Variants in CACNA2D3 observed in about 807,000 individuals in gnomAD.
CACNA2D3 encodes calcium voltage-gated channel auxiliary subunit alpha2delta 3, also known as voltage-dependent calcium channel subunit alpha-2/delta-3.
CACNA2D3 carries 60 observed loss-of-function variants against 160.6 expected under a neutral mutation model. The observed-to-expected ratio is 0.37, with a 90% CI of 0.30 to 0.46. CACNA2D3 has a LOEUF of 0.46. Ranked by LOEUF, CACNA2D3 falls within the 20% of genes least tolerant of loss-of-function variation. The pLI is 1.00. For missense variants in CACNA2D3, 1,205 were observed against 1,365.0 expected, an observed-to-expected ratio of 0.88 and a Z score of 1.85; for synonymous variants, 558 against 492.9, an observed-to-expected ratio of 1.13 and a Z score of -1.75.
intron 2 of CACNA2D3, among the ~76,000 whole-genome samples, chr3:54,183,721 C>A (rs778979917): frequency 7.3e-5 from 11 of 151,280 alleles, no homozygotes; most frequent in Non-Finnish European, 1.5e-4. Context: ...CCCGTCTCTA[C>A]TAAAAATACA....
intron 3 of CACNA2D3, among the ~76,000 whole-genome samples, chr3:54,384,344 T>C (rs1457126398): frequency 6.6e-6 from 1 of 152,258 alleles, no homozygotes; most frequent in Non-Finnish European, 1.5e-5. Context: ...ATACACATTC[T>C]GTAAAGCTCA....
At chr3:54,311,113 A>C (rs933128095) in intron 2 of CACNA2D3, among the ~76,000 whole-genome samples, 18 of 152,334 alleles carry the variant, frequency 1.2e-4, no homozygotes, top group Middle Eastern at 3.4e-3. Flanking sequence ...GCTTCGAGTC[A>C]GCAGCACAGC....
At chr3:54,306,176 C>T (rs569860807) in intron 2 of CACNA2D3, among the ~76,000 whole-genome samples, 1 of 152,124 alleles carries the variant, frequency 6.6e-6, no homozygotes, top group Non-Finnish European at 1.5e-5. Context: ...GCTGCACCCC[C>T]CAACCCGAAG....
intron 2 of CACNA2D3, among the ~76,000 whole-genome samples, chr3:54,308,051 T>C (rs1349735403): frequency 1.3e-5 from 2 of 152,222 alleles, no homozygotes; most frequent in African/African-American, 4.8e-5. Flanking sequence ...ATGTTATTCT[T>C]TCTGTAGATT....
chr3:55,060,528 C>T (rs3773541), intron 35 of CACNA2D3, among the ~76,000 whole-genome samples: 21,291 of 151,986 alleles, frequency 0.14, 2,694 homozygotes, highest in Admixed American at 0.28. Flanking sequence ...TGTCTTCATC[C>T]ATAAAATGGA....
chr3:54,904,605 T>C (rs1700413254), intron 27 of CACNA2D3, among the ~76,000 whole-genome samples: 1 of 152,228 alleles, frequency 6.6e-6, no homozygotes, highest in Admixed American at 6.5e-5. Context: ...AAATGTTTCA[T>C]TTTGATTTCT....
chr3:54,496,388 A>G (rs967899347), intron 4 of CACNA2D3, among the ~76,000 whole-genome samples: 5 of 152,104 alleles, frequency 3.3e-5, no homozygotes, highest in African/African-American at 1.2e-4. Context: ...TTATTTTTGT[A>G]CTTTCCTGAT....
chr3:54,541,650 T>C (rs571814115), intron 5 of CACNA2D3, among the ~76,000 whole-genome samples: 8 of 152,290 alleles, frequency 5.3e-5, no homozygotes, highest in South Asian at 2.1e-4. Flanking sequence ...CTGAGTCTTG[T>C]TGGGCAGTTT....
intron 13 of CACNA2D3, among the ~76,000 whole-genome samples, chr3:54,794,101 T>C (rs1048293263): frequency 3.3e-5 from 5 of 152,208 alleles, no homozygotes; most frequent in African/African-American, 2.4e-5. Flanking sequence ...GCAAATTTTA[T>C]ATATAATGAT....
chr3:54,517,111 C>A (rs1165637582), intron 5 of CACNA2D3, among the ~76,000 whole-genome samples: 1 of 152,162 alleles, frequency 6.6e-6, no homozygotes, highest in East Asian at 1.9e-4. Context: ...TTCCACAAAC[C>A]ACCTTACAGA....
chr3:54,409,608 A>C (rs1699632669), intron 4 of CACNA2D3, among the ~76,000 whole-genome samples: 1 of 152,228 alleles, frequency 6.6e-6, no homozygotes, highest in African/African-American at 2.4e-5. Flanking sequence ...GGCCTCTTGC[A>C]CCAAGCAGTT....
At chr3:54,510,777 T>A (rs1701446956) in intron 5 of CACNA2D3, among the ~76,000 whole-genome samples, 1 of 152,172 alleles carries the variant, frequency 6.6e-6, no homozygotes, top group South Asian at 2.1e-4. Context: ...ATTGTCATTT[T>A]GAGCATTAAA....
At chr3:54,700,055 C>T (rs558702326) in intron 11 of CACNA2D3, among the ~76,000 whole-genome samples, 1 of 152,280 alleles carries the variant, frequency 6.6e-6, no homozygotes, top group East Asian at 1.9e-4. Context: ...GAATCCACTC[C>T]TAGCATTTAT....
chr3:54,258,291 A>T (rs1399513120), intron 2 of CACNA2D3, among the ~76,000 whole-genome samples: 1 of 152,248 alleles, frequency 6.6e-6, no homozygotes, highest in Non-Finnish European at 1.5e-5. Context: ...TCCATATCCA[A>T]CCAGTATTTA....
chr3:54,894,724 C>T lies in CACNA2D3; in HGVS notation c.2247-2025C>T, dbSNP rs1185284968. 3.4e-5 allele frequency: 16 copies of T among 466,992 alleles called. No individual in the cohort carries two copies. In the East Asian group the frequency reaches 4.6e-4, roughly 13 times the overall value. 28.9% of individuals were successfully genotyped at this position (466,992 alleles called of 1,614,324 possible). A position where few individuals can be genotyped will look rare whatever the true frequency, so the allele number is the denominator to read the frequency against. ...AGGCAACAGAGGCTCCTCCTCACAC[C>T]GTCCAGGTCAGGTTTATGAAGAATT... On this transcript the variant is annotated intron_variant, in intron 25 of 37. Coordinates refer to ENST00000474759, the MANE Select transcript of CACNA2D3 (RefSeq NM_018398.3).
Position 54,627,859 on chromosome 3 carries a change from T to A in CACNA2D3, c.1036T>A (p.Phe346Ile). 1 of 1,602,148 alleles carries A rather than the reference T, an allele frequency of 6.2e-7. No homozygotes were observed. Reference sequence around the variant, plus strand: ...GTTGGATATAGCTCTGAATGAGGCCTTCAACATTCTGAGTGATGTAAGTTC... The same window carrying A: ...GTTGGATATAGCTCTGAATGAGGCCATCAACATTCTGAGTGATGTAAGTTC... ...GMLDIALNEA[F>I]NILSDFNHTG... The change falls in exon 10 of 38, where the codon TTC (phenylalanine) becomes ATC (isoleucine). Residue 346 changes from phenylalanine to isoleucine, a missense_variant. Phe to Ile is a conservative substitution (Grantham distance 21). This residue lies in a region of CACNA2D3 where 911 missense variants were observed against 1,002.2 expected (regional missense o/e 0.91). Transcript: ENST00000474759.
chr3:54,887,741 TG>T (rs1456422184), intron 23 of CACNA2D3, among the ~76,000 whole-genome samples: 2 of 152,184 alleles, frequency 1.3e-5, no homozygotes, highest in Middle Eastern at 3.2e-3. Flanking sequence ...GGCTCTCAGT[TG>T]ACTACCTTCT....
chr3:54,760,156 A>G (rs981728281), intron 12 of CACNA2D3, among the ~76,000 whole-genome samples: 4 of 152,198 alleles, frequency 2.6e-5, no homozygotes, highest in East Asian at 1.9e-4. Context: ...TGAGAATCCA[A>G]TGATGGATGA....
At chr3:54,755,961 TAATC>T (rs1701962343) in intron 12 of CACNA2D3, among the ~76,000 whole-genome samples, 1 of 152,236 alleles carries the variant, frequency 6.6e-6, no homozygotes, top group African/African-American at 2.4e-5. Flanking sequence ...AGTCTTGTCT[TAATC>T]AACTAATATT....
Sources: gnomAD v4.1 joint callset for allele counts (sites outside exome capture counted in the v4.1 genomes callset) on GRCh38, gnomAD v4.1.1 for gene constraint, gnomAD v4.1.1 regional missense constraint, MANE v1.5 for transcripts, NCBI Gene and HGNC (gene_info 2026-07-23, HGNC 2026-07-21) for gene names.